Variants in R3HDM1 observed in about 807,000 individuals in gnomAD.
R3HDM1 encodes R3H domain containing 1.
In R3HDM1, 46 loss-of-function variants were observed where a neutral mutation model predicts 141.1. The observed-to-expected ratio is 0.33, with a 90% CI of 0.26 to 0.42. The LOEUF (loss-of-function observed/expected upper bound fraction) is 0.42, where lower values mean the gene tolerates loss of function less well. R3HDM1 is among the 10% of genes least tolerant of loss of function. R3HDM1 has a pLI of 1.00. For synonymous variants in R3HDM1, 435 were observed against 472.9 expected, an observed-to-expected ratio of 0.92 and a Z score of 1.04; for missense variants, 1,184 against 1,368.3, an observed-to-expected ratio of 0.87 and a Z score of 2.12.
rs1319189657 is a variant in R3HDM1 at position 135,587,926 on chromosome 2, C to T, written c.-249-14574C>T. Among the ~76,000 whole-genome samples the T allele has an allele frequency of 2.6e-5, 4 of 151,890 alleles. No homozygotes were observed. In the East Asian group the frequency reaches 5.8e-4, roughly 22 times the overall value. ...CCTATCCCCACCCATTTTTCTCCCC[C>T]TCTCCCTCTACATTTGTCTTTCCTA... On this transcript the variant is annotated intron_variant, in intron 1 of 26. Transcript: ENST00000683871.
chr2:135,711,726 A>G (rs535363132), intron 23 of R3HDM1, among the ~76,000 whole-genome samples: 1 of 152,110 alleles, frequency 6.6e-6, no homozygotes, highest in East Asian at 1.9e-4. Flanking sequence ...TGGGAGGCCA[A>G]AGCGGGCAGA....
At chr2:135,548,510 T>C (rs1038518527) in intron 1 of R3HDM1, among the ~76,000 whole-genome samples, 2 of 152,212 alleles carry the variant, frequency 1.3e-5, no homozygotes, top group Non-Finnish European at 2.9e-5. Flanking sequence ...CTACAACCCA[T>C]ACATCCATTG....
At chr2:135,650,578 A>G (rs1475130550) in intron 17 of R3HDM1, 1 of 980,680 alleles carries the variant, frequency 1.0e-6, no homozygotes, top group South Asian at 4.7e-5. Context: ...GTGGTATACA[A>G]TTATGGTACT....
chr2:135,635,743 C>T, intron 9 of R3HDM1, 147 bp from the exon 10 acceptor site: 1 of 938,278 alleles, frequency 1.1e-6, no homozygotes, highest in Non-Finnish European at 1.5e-6. Context: ...ATTGTGAGGA[C>T]TAAATGAGAC....
chr2:135,547,854 A>G (rs1573646806), intron 1 of R3HDM1, among the ~76,000 whole-genome samples: 2 of 146,100 alleles, frequency 1.4e-5, no homozygotes, highest in Admixed American at 7.1e-5. Context: ...GCTCACTGCA[A>G]TCTCCACTTC....
intron 16 of R3HDM1, 66 bp downstream of exon 16, chr2:135,645,593 C>G: frequency 6.5e-7 from 1 of 1,532,956 alleles, no homozygotes; most frequent in Non-Finnish European, 8.9e-7. Flanking sequence ...ACTAAATTCG[C>G]TAATTATAAT....
At chr2:135,683,570 A>AC (rs1553620830) in intron 21 of R3HDM1, among the ~76,000 whole-genome samples, 4,614 of 141,768 alleles carry the variant, frequency 0.033, 335 homozygotes, top group African/African-American at 0.11. Context: ...AAAAAAAAAA[A>AC]AATTCATTAA....
chr2:135,649,816 C>A, intron 16 of R3HDM1, 86 bp from the exon 17 acceptor site: 1 of 816,648 alleles, frequency 1.2e-6, no homozygotes, highest in Non-Finnish European at 1.6e-6. Flanking sequence ...AAGCTATTGC[C>A]AAAAAAGTGT....
chr2:135,671,620 C>T (rs1462830544), intron 19 of R3HDM1, among the ~76,000 whole-genome samples: 3 of 151,872 alleles, frequency 2.0e-5, no homozygotes, highest in Non-Finnish European at 4.4e-5. Context: ...CTACCCACCT[C>T]GGCCTCCCAA....
At chr2:135,542,679 A>G (rs531277032) in intron 1 of R3HDM1, among the ~76,000 whole-genome samples, 129 of 152,338 alleles carry the variant, frequency 8.5e-4, no homozygotes, top group African/African-American at 2.4e-3. Flanking sequence ...CCAAGCATCA[A>G]ACTGGCAGAT....
intron 7 of R3HDM1, among the ~76,000 whole-genome samples, chr2:135,630,903 T>C (rs10187054): frequency 0.38 from 56,936 of 151,568 alleles, 15,434 homozygotes; most frequent in African/African-American, 0.74. Context: ...CTTTGGGGAG[T>C]GATACCATTA....
intron 21 of R3HDM1, among the ~76,000 whole-genome samples, chr2:135,680,599 G>T (rs184576826): frequency 1.3e-5 from 2 of 152,174 alleles, no homozygotes; most frequent in African/African-American, 4.8e-5. Context: ...GTGAAACCCC[G>T]TCTCTACTAA....
chr2:135,684,303 A>G (rs2070922671), intron 21 of R3HDM1, among the ~76,000 whole-genome samples: 1 of 152,142 alleles, frequency 6.6e-6, no homozygotes, highest in Middle Eastern at 3.4e-3. Context: ...GTTAGCCAGG[A>G]TGGTCTCAAT....
intron 7 of R3HDM1, chr2:135,623,018 GA>G: frequency 3.1e-6 from 3 of 980,750 alleles, no homozygotes; most frequent in Non-Finnish European, 3.6e-6. Context: ...TTAATCATGA[GA>G]AAAAAGAAAA....
chr2:135,673,899 G>A (rs184430479), intron 19 of R3HDM1, among the ~76,000 whole-genome samples: 24 of 152,090 alleles, frequency 1.6e-4, no homozygotes, highest in African/African-American at 4.8e-4. Flanking sequence ...AGGGTCTTGC[G>A]CTGTCGCTTA....
In R3HDM1 at chr2:135,698,448, C is replaced by T. The variant is rs547380730; in HGVS notation, c.2460-10985C>T. ...TGCTGGGATTACAGGCATGAGCCAC[C>T]GCACCCAGCCAAGGCAGGGATGCTT... On this transcript the variant is annotated intron_variant, in intron 21 of 26. Transcript: ENST00000683871. 9.2e-5 allele frequency among the ~76,000 whole-genome samples: 14 copies of T among 152,198 alleles called. No homozygotes were observed. The East Asian group carries it at 1.7e-3, about 19-fold the overall frequency.
At chr2:135,600,485 A>G (rs374004512) in intron 1 of R3HDM1, among the ~76,000 whole-genome samples, 6 of 152,206 alleles carry the variant, frequency 3.9e-5, no homozygotes, top group Admixed American at 2.6e-4. Flanking sequence ...TCCGTGCTCT[A>G]CATTTAAATC....
chr2:135,690,837 G>A (rs1290996625), intron 21 of R3HDM1, among the ~76,000 whole-genome samples: 1 of 152,000 alleles, frequency 6.6e-6, no homozygotes, highest in Non-Finnish European at 1.5e-5. Context: ...GGAAGAGGGT[G>A]CTTTAGCTAT....
At chr2:135,625,931 G>A (rs1207362976) in intron 7 of R3HDM1, among the ~76,000 whole-genome samples, 1 of 152,142 alleles carries the variant, frequency 6.6e-6, no homozygotes, top group Non-Finnish European at 1.5e-5. Context: ...CAACAAATAT[G>A]AGTAAGTGTT....
Sources: allele counts gnomAD v4.1 joint callset (sites outside exome capture counted in the v4.1 genomes callset), GRCh38; gene constraint gnomAD v4.1.1; transcripts MANE v1.5; gene names NCBI Gene and HGNC (gene_info 2026-07-23, HGNC 2026-07-21).